The following CELF2 variants were observed in gnomAD, a reference collection of about 807,000 sequenced individuals.
CELF2 encodes the protein CUG triplet repeat RNA-binding protein 2.
CELF2 carries 8 observed loss-of-function variants against 62.6 expected under a neutral mutation model. That is an observed-to-expected ratio of 0.13 (90% CI 0.07 to 0.23). The LOEUF is 0.23. Among genes scored for constraint, CELF2 ranks in the 10% least tolerant of loss-of-function variants. CELF2 has a pLI of 1.00. For missense variants in CELF2, 333 were observed against 671.0 expected (o/e 0.50, Z 5.56); for synonymous variants, 258 against 250.0 (o/e 1.03, Z -0.30).
chr10:10,790,746 T>A, the CELF2 span, among the ~76,000 whole-genome samples: 7 of 152,290 alleles, frequency 4.6e-5, no homozygotes, highest in Non-Finnish European at 5.9e-5. Context: ...GAATTAAATA[T>A]GTTCATGGAA....
At chr10:10,480,926 G>T in the CELF2 span, among the ~76,000 whole-genome samples, 1 of 152,076 alleles carries the variant, frequency 6.6e-6, no homozygotes, top group Non-Finnish European at 1.5e-5. Context: ...CTTGCCCAGT[G>T]GTAGCAGGCA....
chr10:10,673,168 G>C, the CELF2 span, among the ~76,000 whole-genome samples: 1 of 152,000 alleles, frequency 6.6e-6, no homozygotes, highest in East Asian at 1.9e-4. Context: ...ACTAGTTTCA[G>C]GAGTTTGGGG....
At chr10:11,190,093 C>G (rs182338053) in intron 2 of CELF2, among the ~76,000 whole-genome samples, 2 of 152,334 alleles carry the variant, frequency 1.3e-5, no homozygotes, top group African/African-American at 2.4e-5. Context: ...TTTATGTGCA[C>G]CTCTTTGATT....
the CELF2 span, chr10:10,776,710 C>G: frequency 6.5e-6 from 1 of 154,494 alleles, no homozygotes; most frequent in African/African-American, 2.4e-5. Flanking sequence ...GCAGGACCAG[C>G]CCAGCAGCCC....
rs1245627363 is a variant in CELF2 at position 11,319,077 on chromosome 10, A to G, written c.1097-2112A>G. ...GGCTGCGAGGCACACCCAGAACCTCATGCCTTGAGATCCAAGCAGAGCGGC... is the reference window on the plus strand; with the variant it reads ...GGCTGCGAGGCACACCCAGAACCTCGTGCCTTGAGATCCAAGCAGAGCGGC... On this transcript the variant is annotated intron_variant, in intron 10 of 12. Coordinates refer to ENST00000633077, the MANE Select transcript of CELF2 (RefSeq NM_001326342.2). This position sits in a 1 kb window ranked among gnomAD's most constrained non-coding sequence, Gnocchi z 4.4. The G allele has an allele frequency of 2.1e-6, 1 of 470,346 alleles. No individual in the cohort carries two copies. The highest frequency in any genetic ancestry group is 2.3e-5 in the Admixed American group (1 of 42,578). 29.1% of individuals were successfully genotyped at this position (470,346 alleles called of 1,614,324 possible).
the CELF2 span, among the ~76,000 whole-genome samples, chr10:10,604,349 T>G: frequency 6.6e-6 from 1 of 152,252 alleles, no homozygotes; most frequent in Non-Finnish European, 1.5e-5. Context: ...AAGTTTGATA[T>G]CCACAAAGGA....
At chr10:11,184,596 C>T (rs533394005) in intron 2 of CELF2, among the ~76,000 whole-genome samples, 60 of 152,280 alleles carry the variant, frequency 3.9e-4, no homozygotes, top group South Asian at 1.2e-3. Flanking sequence ...TGTGGTTTGC[C>T]ATGAACAGGA....
At position 11,331,843 on chromosome 10, in the gene CELF2, T is replaced by TTGA; in HGVS notation, c.*2790_*2791insTGA. On this transcript the variant is annotated 3_prime_UTR_variant, in exon 13 of 13. Coordinates refer to ENST00000633077, the MANE Select transcript of CELF2 (RefSeq NM_001326342.2). Reference sequence around the variant, plus strand: ...CTAAGGTGAGAAAGTTTTGAACTTTTAACCCTTTCTACCCAGAGCTATCTG... The same window carrying TTGA: ...CTAAGGTGAGAAAGTTTTGAACTTTTTGAAACCCTTTCTACCCAGAGCTATCTG... The TTGA allele has an allele frequency of 6.5e-6, 1 of 152,758 alleles. No homozygotes were observed. Among genetic ancestry groups the TTGA allele is most frequent in the East Asian group, 1.9e-4 (1 of 5,186 alleles). 9.5% of individuals were successfully genotyped at this position (152,758 alleles called of 1,614,324 possible).
At chr10:10,897,801 T>C (rs1415882132) in intron 1 of CELF2, among the ~76,000 whole-genome samples, 1 of 152,076 alleles carries the variant, frequency 6.6e-6, no homozygotes, top group Non-Finnish European at 1.5e-5. Flanking sequence ...CAGAATGAAA[T>C]GAAAGAAGGC....
At chr10:11,080,398 G>A (rs1368129185) in intron 1 of CELF2, among the ~76,000 whole-genome samples, 3 of 152,148 alleles carry the variant, frequency 2.0e-5, no homozygotes, top group African/African-American at 4.8e-5. Flanking sequence ...GCAAGTGGGC[G>A]AGTACATATA....
At chr10:10,730,108 G>C in the CELF2 span, among the ~76,000 whole-genome samples, 2 of 152,022 alleles carry the variant, frequency 1.3e-5, no homozygotes, top group Non-Finnish European at 2.9e-5. Flanking sequence ...AATTTACTAG[G>C]GGACTTTTCC....
chr10:10,853,861 G>A (rs769325989), intron 1 of CELF2, among the ~76,000 whole-genome samples: 6 of 151,996 alleles, frequency 3.9e-5, no homozygotes, highest in Non-Finnish European at 7.4e-5. Flanking sequence ...CTGGCCAGGT[G>A]ACGATGAATG....
intron 2 of CELF2, among the ~76,000 whole-genome samples, chr10:11,202,951 C>CTCTCTCTCTCTG (rs1338089859): frequency 3.7e-5 from 2 of 53,848 alleles, no homozygotes; most frequent in East Asian, 3.7e-4. Flanking sequence ...CTCTCTCTCT[C>CTCTCTCTCTCTG]TGTGTGTGTG....
At chr10:10,703,256 T>C in the CELF2 span, among the ~76,000 whole-genome samples, 3 of 152,354 alleles carry the variant, frequency 2.0e-5, no homozygotes, top group South Asian at 4.1e-4. Flanking sequence ...AATTGTCTGC[T>C]TTTTACAGAT....
intron 2 of CELF2, among the ~76,000 whole-genome samples, chr10:11,168,433 A>G (rs975107543): frequency 2.1e-4 from 32 of 152,336 alleles, no homozygotes; most frequent in Middle Eastern, 3.4e-3. Context: ...CCGCTTACCT[A>G]GAGAGAGCAA....
intron 1 of CELF2, among the ~76,000 whole-genome samples, chr10:11,144,682 C>G (rs1167646424): frequency 6.6e-6 from 1 of 151,386 alleles, no homozygotes; most frequent in Non-Finnish European, 1.5e-5. Context: ...TCACTTGAGC[C>G]AGGAGTTCAA....
At chr10:10,821,363 G>T (rs985440394) in intron 1 of CELF2, among the ~76,000 whole-genome samples, 1 of 152,174 alleles carries the variant, frequency 6.6e-6, no homozygotes, top group Admixed American at 6.5e-5. Context: ...GCACGGAGCC[G>T]AGCCATTGGT....
chr10:10,763,258 T>C, the CELF2 span, among the ~76,000 whole-genome samples: 1 of 152,210 alleles, frequency 6.6e-6, no homozygotes, highest in Non-Finnish European at 1.5e-5. Flanking sequence ...AAAGAGGTCA[T>C]TTGAGCAGTT....
At chr10:10,659,886 G>T in the CELF2 span, among the ~76,000 whole-genome samples, 2 of 152,174 alleles carry the variant, frequency 1.3e-5, no homozygotes, top group African/African-American at 4.8e-5. Context: ...GATTTTCTGG[G>T]ATTATCCAGA....
Sources: gnomAD v4.1 joint callset for allele counts (sites outside exome capture counted in the v4.1 genomes callset) on GRCh38, gnomAD v4.1.1 for gene constraint, Gnocchi (gnomAD v3.1) non-coding constraint, MANE v1.5 for transcripts, NCBI Gene and HGNC (gene_info 2026-07-23, HGNC 2026-07-21) for gene names.